GABRE: variants seen among roughly 807,000 people sequenced by gnomAD.
The protein encoded by GABRE is gamma-aminobutyric acid type A receptor subunit epsilon, also known as gamma-aminobutyric acid receptor subunit epsilon.
A neutral mutation model predicts 31.0 loss-of-function variants in GABRE; 20 were observed. The ratio of observed to expected loss-of-function variants is 0.64; its 90% CI spans 0.45 to 0.94. GABRE has a LOEUF of 0.94. Ranked by LOEUF, GABRE falls within the 40% of genes least tolerant of loss-of-function variation. The pLI is 0.00. For synonymous variants in GABRE, 155 were observed against 150.6 expected (o/e 1.03, Z -0.21); for missense variants, 420 against 410.7 (o/e 1.02, Z -0.20).
rs747954237 is a variant in GABRE, at chrX:151,970,417, C to T, written c.57-15G>A. Reference sequence around the variant, plus strand: ...GTCCCTCGACCCTAGAACATTCAAACGAAAAATGAAGCTCTGCCCTGCACT... The same window carrying T: ...GTCCCTCGACCCTAGAACATTCAAATGAAAAATGAAGCTCTGCCCTGCACT... On this transcript the variant is annotated splice_polypyrimidine_tract_variant and intron_variant, in intron 1 of 8. Transcript: ENST00000370328. 3.3e-6 allele frequency: 4 copies of T among 1,204,995 alleles called. No homozygotes were observed. Among genetic ancestry groups the T allele is most frequent in the East Asian group, 3.0e-5 (1 of 33,821 alleles).
intron 6 of GABRE, chrX:151,958,809 C>A (rs1934262147): frequency 3.7e-6 from 1 of 267,065 alleles, no homozygotes. Context: ...TCCCCAGAGT[C>A]CCCAAGAAAA....
intron 3 of GABRE, 82 bp from the exon 4 acceptor site, chrX:151,962,725 C>T (rs1258968676): frequency 6.1e-6 from 5 of 814,983 alleles, no homozygotes. Flanking sequence ...TTTGCCACTC[C>T]CTAACCTAGA....
At chrX:151,961,151 G>A in intron 5 of GABRE, 132 bp downstream of exon 5, 1 of 489,211 alleles carries the variant, frequency 2.0e-6, no homozygotes, top group Non-Finnish European at 3.6e-6. Flanking sequence ...GAGGGTGGAG[G>A]ATGGAAGTCC....
intron 4 of GABRE, among the ~76,000 whole-genome samples, chrX:151,961,803 G>A (rs1934383433): frequency 9.9e-6 from 1 of 101,343 alleles, no homozygotes; most frequent in Non-Finnish European, 2.0e-5. Context: ...GAGATAACAA[G>A]AGAGAAAACA....
chrX:151,956,494 G>A (rs1322550046), intron 6 of GABRE: 1 of 112,148 alleles, frequency 8.9e-6, no homozygotes, highest in Non-Finnish European at 1.9e-5. Flanking sequence ...GGAATCTGAT[G>A]CTAAAGGCCC....
intron 5 of GABRE, among the ~76,000 whole-genome samples, chrX:151,960,836 G>A (rs1934343742): frequency 9.0e-6 from 1 of 111,601 alleles, no homozygotes; most frequent in African/African-American, 3.3e-5. Context: ...GGAGGTGAGG[G>A]AGAGGGAACA....
At chrX:151,970,950 T>C (rs1461828894) in intron 1 of GABRE, among the ~76,000 whole-genome samples, 1 of 111,880 alleles carries the variant, frequency 8.9e-6, no homozygotes, top group Non-Finnish European at 1.9e-5. Context: ...AGAGCAGCCT[T>C]TGTGGGTGTC....
Position 151,962,439 on chromosome X carries a change from C to A in GABRE, c.547G>T (p.Val183Leu). The A allele has an allele frequency of 8.3e-7, 1 of 1,209,092 alleles. No homozygotes were observed. Among genetic ancestry groups the A allele is most frequent in the South Asian group, 1.8e-5 (1 of 56,827 alleles). The change falls in exon 4 of 9, where the codon GTG becomes TTG. Residue 183 changes from valine to leucine, a missense_variant. Transcript: ENST00000370328. The part of the protein sequence containing the change: ...QMVRIYKDGK[V>L]LYTIRMTIDA... The stretch of plus-strand genomic sequence containing the variant: ...TTGACATACCTAATTGTGTACAACA[C>A]CTTGCCATCCTTGTAGATGCGGACC...
At chrX:151,962,088 G>A (rs1168467225) in intron 4 of GABRE, among the ~76,000 whole-genome samples, 1 of 111,425 alleles carries the variant, frequency 9.0e-6, no homozygotes, top group African/African-American at 3.3e-5. Flanking sequence ...CACTGTGGAC[G>A]TATCTTTGTA....
chrX:151,959,630 A>G (rs1322350724), intron 6 of GABRE: 1 of 530,480 alleles, frequency 1.9e-6, no homozygotes, highest in East Asian at 3.7e-5. Context: ...GGAGCTTGGC[A>G]AAGCACTTAC....
At chrX:151,967,231 C>T (rs181350186) in intron 3 of GABRE, among the ~76,000 whole-genome samples, 1 of 112,289 alleles carries the variant, frequency 8.9e-6, no homozygotes, top group East Asian at 2.8e-4. Flanking sequence ...AAAGAAGGGG[C>T]AAACCAGCTT....
intron 4 of GABRE, among the ~76,000 whole-genome samples, chrX:151,961,745 C>G (rs1308997237): frequency 9.0e-6 from 1 of 111,178 alleles, no homozygotes; most frequent in Non-Finnish European, 1.9e-5. Context: ...CAGGCGTGAG[C>G]CACCGTGCCT....
rs375568756 is a variant in GABRE at position 151,973,898 on chromosome X, G to A, written c.56+672C>T. On this transcript the variant is annotated intron_variant, in intron 1 of 8. Transcript: ENST00000370328. ...GCCCAAGGCCCAGCAGGGTGTCTAG[G>A]GATGAGTTAAGGAAGTGGGAGGCTG... is the stretch of plus-strand genomic sequence containing the variant. Among the ~76,000 whole-genome samples the A allele has an allele frequency of 4.1e-4, 46 of 111,095 alleles. 2 individuals carry two copies. Among genetic ancestry groups the A allele is most frequent in the East Asian group, 2.8e-3 (10 of 3,515 alleles).
chrX:151,962,974 A>G (rs1934427359), intron 3 of GABRE, among the ~76,000 whole-genome samples: 1 of 111,857 alleles, frequency 8.9e-6, no homozygotes, highest in Non-Finnish European at 1.9e-5. Flanking sequence ...ACAACTCAGG[A>G]CAATAGAAAA....
At chrX:151,966,926 T>C (rs1311005685) in intron 3 of GABRE, among the ~76,000 whole-genome samples, 3 of 112,176 alleles carry the variant, frequency 2.7e-5, no homozygotes, top group East Asian at 5.6e-4. Context: ...GTGAGGCCAC[T>C]GCTGGCAGCA....
intron 5 of GABRE, among the ~76,000 whole-genome samples, chrX:151,960,261 T>C (rs931587646): frequency 8.9e-6 from 1 of 112,334 alleles, no homozygotes; most frequent in Non-Finnish European, 1.9e-5. Flanking sequence ...TATACTACTG[T>C]GATTTTTGGA....
chrX:151,969,809 G>C (rs1258363275), intron 2 of GABRE, 73 bp from the exon 3 acceptor site: 3 of 1,162,200 alleles, frequency 2.6e-6, no homozygotes, highest in Non-Finnish European at 3.4e-6. Flanking sequence ...AGTGGTCAGA[G>C]GGGATGAAAG....
chrX:151,961,616 C>A (rs1277569293), intron 4 of GABRE, among the ~76,000 whole-genome samples: 2 of 110,926 alleles, frequency 1.8e-5, no homozygotes, highest in Non-Finnish European at 3.8e-5. Context: ...AGTGCCAGCA[C>A]ACCCTGCTAA....
intron 1 of GABRE, chrX:151,971,859 G>C (rs866826860): frequency 4.8e-4 from 36 of 74,843 alleles, no homozygotes; most frequent in African/African-American, 1.9e-3. Flanking sequence ...GTGTGTGTGT[G>C]TGTGTGTCTG....
Sources: gnomAD v4.1 joint callset for allele counts (sites outside exome capture counted in the v4.1 genomes callset) on GRCh38, gnomAD v4.1.1 for gene constraint, MANE v1.5 for transcripts, NCBI Gene and HGNC (gene_info 2026-07-23, HGNC 2026-07-21) for gene names.